The following MCF2L variants were observed in gnomAD, a reference collection of about 807,000 sequenced individuals.
MCF2L encodes the protein MCF.2 cell line derived transforming sequence like, also known as guanine nucleotide exchange factor DBS.
Under a neutral mutation model 153.4 loss-of-function variants are expected in MCF2L, and 97 were observed. The observed-to-expected ratio is 0.63, with a 90% CI of 0.54 to 0.75. The LOEUF (loss-of-function observed/expected upper bound fraction) is 0.75, where lower values mean the gene tolerates loss of function less well. Ranked by LOEUF, MCF2L falls within the 30% of genes least tolerant of loss-of-function variation. The pLI, the probability that MCF2L is intolerant of heterozygous loss-of-function variation, is 0.00. For missense variants in MCF2L, 1,347 were observed against 1,495.2 expected, an observed-to-expected ratio of 0.90 and a Z score of 1.64; for synonymous variants, 659 against 632.2, an observed-to-expected ratio of 1.04 and a Z score of -0.64.
chr13:112,905,444 T>C (rs1263007829), intron 2 of MCF2L, among the ~76,000 whole-genome samples: 1 of 152,156 alleles, frequency 6.6e-6, no homozygotes, highest in Non-Finnish European at 1.5e-5. Context: ...GGTTACAGAT[T>C]GGGAACGGCA....
intron 2 of MCF2L, among the ~76,000 whole-genome samples, chr13:112,938,482 G>A (rs1211638360): frequency 6.6e-6 from 1 of 152,162 alleles, no homozygotes; most frequent in Non-Finnish European, 1.5e-5. Context: ...GGGCTCTTTC[G>A]GGTCCACATT....
At chr13:112,895,636 G>A (rs1422514115) in intron 1 of MCF2L, among the ~76,000 whole-genome samples, 3 of 152,146 alleles carry the variant, frequency 2.0e-5, no homozygotes, top group African/African-American at 4.8e-5. Flanking sequence ...GTAGCTGGGG[G>A]GACGGGACCC....
Position 112,932,859 on chromosome 13 carries a change from C to T in MCF2L, c.169+30488C>T, listed in dbSNP as rs1272714571. Reference sequence around the variant, plus strand: ...CAGCCTGGCCAACATGGTGAAACCCCGTCTCTACTAAAAATACAAAAATTA... The same window carrying T: ...CAGCCTGGCCAACATGGTGAAACCCTGTCTCTACTAAAAATACAAAAATTA... On this transcript the variant is annotated intron_variant, in intron 2 of 29. Transcript: ENST00000375608. This position sits in a 1 kb window ranked among gnomAD's most constrained non-coding sequence, Gnocchi z 4.6. 2.0e-5 allele frequency among the ~76,000 whole-genome samples: 3 copies of T among 152,014 alleles called. No homozygotes were observed. The highest frequency in any genetic ancestry group is 1.9e-4 in the East Asian group (1 of 5,180).
rs1043583183 is a variant in MCF2L at position 112,907,036 on chromosome 13, C to T, written c.169+4665C>T. On this transcript the variant is annotated intron_variant, in intron 2 of 29. Coordinates refer to the MCF2L transcript ENST00000375608. The surrounding 1 kb of genome is among the most constrained non-coding windows in gnomAD (Gnocchi z 5.1). ...ACACATTTGCCGCCTTGGGTGGAGTCGCGACATTGCTGTTTCTATGTCAGA... is the reference window on the plus strand; with the variant it reads ...ACACATTTGCCGCCTTGGGTGGAGTTGCGACATTGCTGTTTCTATGTCAGA... Among the ~76,000 whole-genome samples the T allele has an allele frequency of 1.3e-5, 2 of 152,112 alleles. No homozygotes were observed. Among genetic ancestry groups the T allele is most frequent in the Non-Finnish European group, 2.9e-5 (2 of 68,034 alleles).
At chr13:112,902,140 A>G in intron 1 of MCF2L, 1 of 1,412,990 alleles carries the variant, frequency 7.1e-7, no homozygotes, top group Non-Finnish European at 9.9e-7. Flanking sequence ...TCAGAGCAAC[A>G]GTTCTTAAGT....
chr13:113,083,784 A>G (rs974856238), intron 17 of MCF2L, among the ~76,000 whole-genome samples: 6 of 152,216 alleles, frequency 3.9e-5, no homozygotes, highest in Admixed American at 3.9e-4. Context: ...AGCCAAGGCC[A>G]GAAATATAAA....
At chr13:112,915,381 C>T (rs985710374) in intron 2 of MCF2L, among the ~76,000 whole-genome samples, 11 of 118,370 alleles carry the variant, frequency 9.3e-5, no homozygotes, top group Non-Finnish European at 1.5e-4. Flanking sequence ...TGCACTCCAG[C>T]TTGGGTGACA....
In MCF2L at chr13:112,960,468, C is replaced by T. The variant is rs2081811834; in HGVS notation, c.170-54295C>T. ...CCAGCAGACTGCCTTGTCCCCTGCT[C>T]ATTTTGGTTGTTGCATTGAAATGTG... On this transcript the variant is annotated intron_variant, in intron 2 of 29. Coordinates refer to the MCF2L transcript ENST00000375608. This position sits in a 1 kb window ranked among gnomAD's most constrained non-coding sequence, Gnocchi z 4.2. Among the ~76,000 whole-genome samples the T allele has an allele frequency of 6.6e-6, 1 of 152,216 alleles. No homozygotes were observed. Among genetic ancestry groups the T allele is most frequent in the East Asian group, 1.9e-4 (1 of 5,156 alleles).
chr13:113,086,889 G>A (rs1476093024), intron 21 of MCF2L, among the ~76,000 whole-genome samples: 2 of 152,210 alleles, frequency 1.3e-5, no homozygotes, highest in Non-Finnish European at 2.9e-5. Context: ...AACTAGCGCT[G>A]ATGCTGATTA....
At chr13:112,927,478 G>C (rs1162183635) in intron 2 of MCF2L, among the ~76,000 whole-genome samples, 1 of 152,068 alleles carries the variant, frequency 6.6e-6, no homozygotes, top group African/African-American at 2.4e-5. Context: ...AAATGACCGG[G>C]TCTGGGGAAA....
chr13:112,918,445 T>C lies in MCF2L; in HGVS notation c.169+16074T>C, dbSNP rs181853759. ...GTGGGGTTTCCCACACCTCGGCAAG[T>C]TGAGGGTGTGCAGGCCCTTGTCCTT... On this transcript the variant is annotated intron_variant, in intron 2 of 29. Coordinates refer to the MCF2L transcript ENST00000375608. Among the ~76,000 whole-genome samples the C allele has an allele frequency of 5.2e-3, 793 of 152,234 alleles. 5 individuals carry two copies. The highest frequency in any genetic ancestry group is 0.018 in the African/African-American group (750 of 41,522).
intron 12 of MCF2L, among the ~76,000 whole-genome samples, chr13:113,076,480 G>C (rs1168752645): frequency 2.0e-5 from 3 of 152,252 alleles, no homozygotes; most frequent in Middle Eastern, 3.4e-3. Context: ...GGCCAGGCTG[G>C]TCTCGAACTC....
At chr13:113,086,756 C>G (rs1431249262) in intron 21 of MCF2L, among the ~76,000 whole-genome samples, 1 of 151,250 alleles carries the variant, frequency 6.6e-6, no homozygotes, top group Admixed American at 6.6e-5. Flanking sequence ...TTTTTTTTAA[C>G]TAATAGAGTT....
rs1196378759 is a variant in MCF2L, at chr13:113,031,873, C to T, written c.278+7115C>T. 2.0e-5 allele frequency among the ~76,000 whole-genome samples: 2 copies of T among 97,834 alleles called. No individual in the cohort carries two copies. Among genetic ancestry groups the T allele is most frequent in the Middle Eastern group, 4.5e-3 (1 of 220 alleles). The allele number at this position is 97,834 out of a possible 152,430, so 64.2% of individuals were successfully genotyped here. On this transcript the variant is annotated intron_variant, in intron 3 of 29. Coordinates refer to ENST00000535094, the MANE Select transcript of MCF2L (RefSeq NM_001112732.3). The surrounding 1 kb of genome is among the most constrained non-coding windows in gnomAD (Gnocchi z 5.5). Reference sequence around the variant, plus strand: ...TACACAGGCTTGCACATGCCACACACACACACACACACACACAGATGCACG... The same window carrying T: ...TACACAGGCTTGCACATGCCACACATACACACACACACACACAGATGCACG...
At chr13:113,056,070 G>A (rs1417890692) in intron 4 of MCF2L, among the ~76,000 whole-genome samples, 2 of 152,234 alleles carry the variant, frequency 1.3e-5, no homozygotes, top group African/African-American at 4.8e-5. Context: ...TGCAGATGAA[G>A]CAGAGGTCTC....
intron 25 of MCF2L, 59 bp downstream of exon 25, chr13:113,088,687 T>C: frequency 6.5e-7 from 1 of 1,542,438 alleles, no homozygotes; most frequent in Non-Finnish European, 8.8e-7. Flanking sequence ...AGCAGGCCAT[T>C]TGCACGCCAG....
At chr13:113,078,609 A>G in intron 14 of MCF2L, 57 bp from the exon 15 acceptor site, 1 of 1,515,368 alleles carries the variant, frequency 6.6e-7, no homozygotes, top group East Asian at 2.3e-5. Context: ...TGGCCTTGAG[A>G]GTTGGCCCTT....
At position 113,077,187 on chromosome 13, in the gene MCF2L, G is replaced by T; in HGVS notation, c.1636G>T (p.Ala546Ser). 1.9e-6 allele frequency: 3 copies of T among 1,597,644 alleles called. No individual in the cohort carries two copies. The highest frequency in any genetic ancestry group is 1.7e-5 in the Admixed American group (1 of 58,072). ...GGTGGCCCCCAGACCCGAGGCACTG[G>T]CAAAGTCGCCCTGCCCCTCCCCAGG... ...QPVAPRPEAL[A>S]KSPCPSPGIR... Residue 546 changes from alanine to serine, a missense_variant, in exon 13 of 30, where the codon GCA becomes TCA. By Grantham distance (99) the Ala-to-Ser change is moderately conservative. Around this residue, in one of 3 missense-constraint regions of MCF2L, gnomAD observed 820 missense variants for 921.2 expected, o/e 0.89. Transcript: ENST00000535094.
intron 1 of MCF2L, among the ~76,000 whole-genome samples, chr13:112,895,610 T>C (rs1313920017): frequency 1.3e-5 from 2 of 152,106 alleles, no homozygotes; most frequent in Non-Finnish European, 2.9e-5. Flanking sequence ...TTGCCTGAGT[T>C]CTGCAGCCTC....
Sources: gnomAD v4.1 joint callset for allele counts (sites outside exome capture counted in the v4.1 genomes callset) on GRCh38, gnomAD v4.1.1 for gene constraint, gnomAD v4.1.1 regional missense constraint, Gnocchi (gnomAD v3.1) non-coding constraint, MANE v1.5 for transcripts, NCBI Gene and HGNC (gene_info 2026-07-23, HGNC 2026-07-21) for gene names.